Variants in DOCK9 observed in about 807,000 individuals in gnomAD.
DOCK9 encodes dedicator of cytokinesis protein 9.
DOCK9 carries 89 observed loss-of-function variants against 263.3 expected under a neutral mutation model. The ratio of observed to expected loss-of-function variants is 0.34; its 90% CI spans 0.28 to 0.40. The LOEUF (loss-of-function observed/expected upper bound fraction) is 0.40, where lower values mean the gene tolerates loss of function less well. Ranked by LOEUF, DOCK9 falls within the 10% of genes least tolerant of loss-of-function variation. DOCK9 has a pLI of 1.00. For missense variants in DOCK9, 2,140 were observed against 2,603.4 expected (o/e 0.82, Z 3.87); for synonymous variants, 976 against 973.1 (o/e 1.00, Z -0.06).
At chr13:99,020,858 C>T (rs1174177430) in intron 1 of DOCK9, among the ~76,000 whole-genome samples, 1 of 152,190 alleles carries the variant, frequency 6.6e-6, no homozygotes, top group East Asian at 1.9e-4. Context: ...AGGAAGATCT[C>T]ACATAATGAT....
At chr13:98,834,734 CTAAG>C (rs1377393619) in intron 39 of DOCK9, 3 of 152,176 alleles carry the variant, frequency 2.0e-5, no homozygotes, top group South Asian at 4.2e-4. Context: ...CTTTTATGTA[CTAAG>C]TGAGATAACA....
chr13:99,077,300 G>T (rs2142431073), intron 1 of DOCK9, among the ~76,000 whole-genome samples: 1 of 152,272 alleles, frequency 6.6e-6, no homozygotes, highest in Admixed American at 6.5e-5. Flanking sequence ...CTGGTGGAAG[G>T]CGACTGAATC....
chr13:98,887,143 A>ATTTTTTTTTTTTTTT (rs58434344), intron 18 of DOCK9, among the ~76,000 whole-genome samples: 5 of 95,292 alleles, frequency 5.2e-5, no homozygotes, highest in Non-Finnish European at 8.1e-5. Context: ...ATATATATAT[A>ATTTTTTTTTTTTTTT]TTTTTTTTTT....
At chr13:98,841,993 T>C (rs2093236807) in intron 38 of DOCK9, among the ~76,000 whole-genome samples, 1 of 152,114 alleles carries the variant, frequency 6.6e-6, no homozygotes, top group Non-Finnish European at 1.5e-5. Context: ...TCCAAGCACA[T>C]TTTATCCAAT....
At chr13:98,797,082 A>G in intron 52 of DOCK9, 33 bp downstream of exon 52, 1 of 1,613,174 alleles carries the variant, frequency 6.2e-7, no homozygotes, top group Non-Finnish European at 8.5e-7. Context: ...CTAACCAAGA[A>G]CTCCAAGTTG....
intron 45 of DOCK9, among the ~76,000 whole-genome samples, 155 bp from the exon 46 acceptor site, chr13:98,810,446 C>G (rs138722512): frequency 6.6e-6 from 1 of 152,226 alleles, no homozygotes; most frequent in Non-Finnish European, 1.5e-5. Context: ...CAACAACATT[C>G]TTTTTTAGGG....
intron 1 of DOCK9, among the ~76,000 whole-genome samples, chr13:99,069,442 A>C (rs1789378260): frequency 6.6e-6 from 1 of 152,258 alleles, no homozygotes; most frequent in Non-Finnish European, 1.5e-5. Flanking sequence ...TCCATGGTGC[A>C]AATAGATGTT....
At chr13:98,886,061 TG>T (rs1425483782) in intron 19 of DOCK9, among the ~76,000 whole-genome samples, 5 of 152,182 alleles carry the variant, frequency 3.3e-5, no homozygotes. Context: ...TAGGAAGAAC[TG>T]GAAAACACAG....
At chr13:98,971,427 G>T (rs1360814457) in intron 1 of DOCK9, among the ~76,000 whole-genome samples, 1 of 152,272 alleles carries the variant, frequency 6.6e-6, no homozygotes, top group Admixed American at 6.5e-5. Context: ...GAAAATAGGG[G>T]CCGGGCGCGG....
intron 1 of DOCK9, among the ~76,000 whole-genome samples, chr13:98,966,237 G>A (rs561443825): frequency 1.6e-4 from 24 of 152,204 alleles, no homozygotes; most frequent in Non-Finnish European, 2.2e-4. Context: ...CAGCTCCCTT[G>A]CAAGTGCAGT....
intron 1 of DOCK9, among the ~76,000 whole-genome samples, chr13:99,056,892 G>A (rs1188860324): frequency 5.3e-5 from 8 of 152,190 alleles, no homozygotes; most frequent in African/African-American, 1.7e-4. Flanking sequence ...GCGGGGATCC[G>A]AGAAGCCACA....
intron 15 of DOCK9, among the ~76,000 whole-genome samples, chr13:98,893,825 G>A (rs1357217834): frequency 6.6e-6 from 1 of 152,158 alleles, no homozygotes; most frequent in Non-Finnish European, 1.5e-5. Context: ...AAGAATACGG[G>A]GAGTGGGCAC....
intron 9 of DOCK9, among the ~76,000 whole-genome samples, chr13:98,907,666 T>C (rs1212982664): frequency 6.6e-6 from 1 of 152,202 alleles, no homozygotes; most frequent in Non-Finnish European, 1.5e-5. Context: ...TCTATTGCTC[T>C]GCTACAAGAT....
chr13:98,883,892 C>T lies in DOCK9; in HGVS notation c.2390G>A (p.Gly797Asp), dbSNP rs1371622744. Residue 797 changes from glycine (G) to aspartate (D), a missense_variant, in exon 22 of 53, where the codon GGT becomes GAT. Physicochemically the swap from Gly to Asp is moderately conservative, Grantham distance 94. This residue lies in a region of DOCK9 where 1,521 missense variants were observed against 1,741.7 expected (regional missense o/e 0.87). Coordinates refer to ENST00000682017, the MANE Select transcript of DOCK9 (RefSeq NM_001366683.2). ...TCCATCTACCCATTTAATTTCCGGA[C>T]CATAATGCTAAAAAAAATATGGAAG... Reference protein sequence around the residue: ...YQELGMGRHYGPEIKWVDGGK... With the variant: ...YQELGMGRHYDPEIKWVDGGK... The T allele has an allele frequency of 1.2e-6, 2 of 1,606,404 alleles. No homozygotes were observed. Among genetic ancestry groups the T allele is most frequent in the Non-Finnish European group, 1.7e-6 (2 of 1,176,908 alleles).
chr13:98,897,315 C>A lies in DOCK9; in HGVS notation c.1709+173G>T, dbSNP rs867796298. Among the ~76,000 whole-genome samples the A allele has an allele frequency of 1.2e-4, 18 of 152,318 alleles. No individual in the cohort carries two copies. The Middle Eastern group carries it at 0.017, about 144-fold the overall frequency. ...ACAGAATTCAAATTAACTGGTTATTCTTCTGATTTTCACCCCATCTTTCTT... is the reference window on the plus strand; with the variant it reads ...ACAGAATTCAAATTAACTGGTTATTATTCTGATTTTCACCCCATCTTTCTT... On this transcript the variant is annotated intron_variant, in intron 15 of 52. Transcript: ENST00000682017.
At position 98,888,637 on chromosome 13, in the gene DOCK9, A is replaced by G. The variant is rs779570524; in HGVS notation, c.1784T>C (p.Phe595Ser). 6.2e-7 allele frequency: 1 copy of G among 1,613,774 alleles called. No homozygotes were observed. Among genetic ancestry groups the G allele is most frequent in the South Asian group, 1.1e-5 (1 of 91,062 alleles). ...DITIDNVSSD[F>S]PNYVNSSYIP... The stretch of plus-strand genomic sequence containing the variant: ...TATGTAGAACTGACACTTACTAGGG[A>G]AGTCTGAGGAAACATTATCAATTGT... The change falls in exon 16 of 53, where the codon TTC becomes TCC. Residue 595 changes from phenylalanine (F) to serine (S), a missense_variant. Transcript: ENST00000682017.
At chr13:98,824,996 G>C (rs1046560262) in intron 44 of DOCK9, among the ~76,000 whole-genome samples, 2 of 152,208 alleles carry the variant, frequency 1.3e-5, no homozygotes, top group East Asian at 1.9e-4. Flanking sequence ...ACACAACCCA[G>C]GTGTAGCTTC....
chr13:99,042,274 C>A (rs552812897), intron 1 of DOCK9, among the ~76,000 whole-genome samples: 1 of 152,338 alleles, frequency 6.6e-6, no homozygotes, highest in South Asian at 2.1e-4. Context: ...GATCAGGCAG[C>A]AAGATGTGGC....
chr13:98,841,282 T>A (rs2141227040), intron 38 of DOCK9, among the ~76,000 whole-genome samples: 1 of 152,340 alleles, frequency 6.6e-6, no homozygotes, highest in South Asian at 2.1e-4. Flanking sequence ...CTGTGTCTTT[T>A]TTAAACCTAA....
Sources: gnomAD v4.1 joint callset for allele counts (sites outside exome capture counted in the v4.1 genomes callset) on GRCh38, gnomAD v4.1.1 for gene constraint, gnomAD v4.1.1 regional missense constraint, MANE v1.5 for transcripts, NCBI Gene and HGNC (gene_info 2026-07-23, HGNC 2026-07-21) for gene names.